Variants in NKAIN3 observed in about 807,000 individuals in gnomAD.
NKAIN3 encodes the protein sodium/potassium-transporting ATPase subunit beta-1-interacting protein 3.
A neutral mutation model predicts 30.2 loss-of-function variants in NKAIN3; 25 were observed. The observed-to-expected ratio is 0.83, with a 90% CI of 0.60 to 1.16. The LOEUF (loss-of-function observed/expected upper bound fraction) is 1.16. Among genes scored for constraint, NKAIN3 ranks in the 50% most tolerant of loss-of-function variants. The pLI, the probability that NKAIN3 is intolerant of heterozygous loss-of-function variation, is 0.00. For synonymous variants in NKAIN3, 91 were observed against 89.6 expected, an observed-to-expected ratio of 1.02 and a Z score of -0.09; for missense variants, 225 against 254.1, an observed-to-expected ratio of 0.89 and a Z score of 0.78.
chr8:62,918,544 TC>T, intron 5 of NKAIN3, 31 bp downstream of exon 5: 1 of 1,464,982 alleles, frequency 6.8e-7, no homozygotes, highest in Non-Finnish European at 9.6e-7. Context: ...CCCTGTGGGT[TC>T]CTTTTGAATG....
rs5891856 is a variant in NKAIN3, at chr8:62,431,864, GAA to G, written c.55-147660_55-147659del. Among the ~76,000 whole-genome samples the G allele has an allele frequency of 8.6e-3, 1,151 of 133,462 alleles. 26 individuals carry two copies. The highest frequency in any genetic ancestry group is 0.075 in the East Asian group (341 of 4,558). The allele number at this position is 133,462 out of a possible 152,430, so 87.6% of individuals were successfully genotyped here. On this transcript the variant is annotated intron_variant, in intron 1 of 6. Transcript: ENST00000623646. Reference sequence around the variant, plus strand: ...GAACTGAAGAGAAGCTTATAAAAAGGAAAAAAAAAAAAAAAAGCTTTTTCTAA... The same window carrying G: ...GAACTGAAGAGAAGCTTATAAAAAGGAAAAAAAAAAAAAAGCTTTTTCTAA...
chr8:62,829,368 A>C (rs1346815721), intron 4 of NKAIN3, among the ~76,000 whole-genome samples: 4 of 152,188 alleles, frequency 2.6e-5, no homozygotes. Context: ...CATTTCAGTC[A>C]CACTGAAAAG....
At chr8:62,855,179 A>T (rs1010310720) in intron 4 of NKAIN3, 3 of 263,188 alleles carry the variant, frequency 1.1e-5, no homozygotes, top group South Asian at 1.0e-4. Flanking sequence ...TCAAAAATGT[A>T]AAGTCCCTCA....
At chr8:62,682,594 G>A (rs963460499) in intron 3 of NKAIN3, among the ~76,000 whole-genome samples, 2 of 152,074 alleles carry the variant, frequency 1.3e-5, no homozygotes, top group East Asian at 1.9e-4. Flanking sequence ...GGTGCTGCTC[G>A]CCCACTGCCT....
chr8:62,441,957 CT>C (rs945167335), intron 1 of NKAIN3, among the ~76,000 whole-genome samples: 1 of 151,790 alleles, frequency 6.6e-6, no homozygotes, highest in Admixed American at 6.6e-5. Flanking sequence ...TTTCATCCCC[CT>C]TTTTTTGCAT....
chr8:62,913,665 C>G (rs1036285997), intron 4 of NKAIN3, among the ~76,000 whole-genome samples: 7 of 152,046 alleles, frequency 4.6e-5, no homozygotes, highest in African/African-American at 1.7e-4. Flanking sequence ...TTGGAAGAAT[C>G]CATGCATTAA....
intron 1 of NKAIN3, among the ~76,000 whole-genome samples, chr8:62,503,310 G>T (rs1389001148): frequency 6.6e-6 from 1 of 152,174 alleles, no homozygotes; most frequent in Non-Finnish European, 1.5e-5. Flanking sequence ...AGAGGAGGGG[G>T]TGTATGAACA....
At chr8:62,734,784 T>G (rs946888366) in intron 3 of NKAIN3, among the ~76,000 whole-genome samples, 2 of 152,226 alleles carry the variant, frequency 1.3e-5, no homozygotes, top group African/African-American at 2.4e-5. Flanking sequence ...ATCTGTGAAT[T>G]TAGCCAGAAT....
At chr8:62,608,823 A>T (rs537336437) in intron 3 of NKAIN3, among the ~76,000 whole-genome samples, 5 of 152,238 alleles carry the variant, frequency 3.3e-5, no homozygotes, top group Non-Finnish European at 7.4e-5. Context: ...TTGTCCATTC[A>T]TTGTCTATAG....
intron 4 of NKAIN3, among the ~76,000 whole-genome samples, chr8:62,802,244 A>T (rs1818092304): frequency 6.6e-6 from 1 of 152,188 alleles, no homozygotes; most frequent in African/African-American, 2.4e-5. Flanking sequence ...GCAGGCCAAC[A>T]TTCAGATTCA....
intron 3 of NKAIN3, among the ~76,000 whole-genome samples, chr8:62,644,258 G>A (rs771549043): frequency 2.8e-4 from 43 of 152,104 alleles, no homozygotes; most frequent in Middle Eastern, 3.4e-3. Context: ...TGTAGTTCCC[G>A]TAGGTCTTTT....
chr8:62,763,880 G>A (rs4737614), intron 4 of NKAIN3, among the ~76,000 whole-genome samples: 26,563 of 152,168 alleles, frequency 0.17, 2,512 homozygotes, highest in East Asian at 0.29. Flanking sequence ...AAGGGTTCAG[G>A]GCAAGAAAAC....
chr8:62,379,543 T>C (rs1356589328), intron 1 of NKAIN3, among the ~76,000 whole-genome samples: 1 of 152,172 alleles, frequency 6.6e-6, no homozygotes, highest in African/African-American at 2.4e-5. Flanking sequence ...GAGGACATTT[T>C]CCACCATGCT....
chr8:62,959,105 T>G (rs533399929), intron 6 of NKAIN3, among the ~76,000 whole-genome samples: 36 of 152,206 alleles, frequency 2.4e-4, no homozygotes, highest in Non-Finnish European at 4.6e-4. Context: ...TCACAAAAAT[T>G]GCTACATGCT....
At position 62,741,404 on chromosome 8, in the gene NKAIN3, AAGGAAGGAAGGAAGGAAGGC is replaced by A. The variant is rs1563540741; in HGVS notation, c.274-5524_274-5505del. 3.3e-4 allele frequency among the ~76,000 whole-genome samples: 47 copies of A among 143,970 alleles called. 1 individual carries two copies. Among genetic ancestry groups the A allele is most frequent in the African/African-American group, 1.1e-3 (39 of 34,896 alleles). The allele number at this position is 143,970 out of a possible 152,430, so 94.4% of individuals were successfully genotyped here. A position where few individuals can be genotyped will look rare whatever the true frequency, so the allele number is the denominator to read the frequency against. ...GAAGGAAGGAAGGAAGGAAGGAAGG[AAGGAAGGAAGGAAGGAAGGC>A]AGGCAAGCAAGCAAGCACACTCCAA... On this transcript the variant is annotated intron_variant, in intron 3 of 6. Transcript: ENST00000623646.
At chr8:62,458,515 T>C (rs1488321977) in intron 1 of NKAIN3, among the ~76,000 whole-genome samples, 1 of 152,150 alleles carries the variant, frequency 6.6e-6, no homozygotes, top group Admixed American at 6.5e-5. Context: ...AGACCTTGAG[T>C]CATCTGTCAC....
At chr8:62,832,256 C>G (rs1819218568) in intron 4 of NKAIN3, among the ~76,000 whole-genome samples, 1 of 107,022 alleles carries the variant, frequency 9.3e-6, no homozygotes, top group South Asian at 3.4e-4. Context: ...TATGACCAAA[C>G]AGACACACAC....
downstream of NKAIN3, among the ~76,000 whole-genome samples, chr8:62,987,171 G>A (rs531188481): frequency 6.6e-6 from 1 of 152,214 alleles, no homozygotes; most frequent in East Asian, 1.9e-4. Flanking sequence ...TGAATCGCTT[G>A]AGTTCAGGAG....
At chr8:62,613,225 C>G (rs981287438) in intron 3 of NKAIN3, among the ~76,000 whole-genome samples, 1 of 152,086 alleles carries the variant, frequency 6.6e-6, no homozygotes, top group Non-Finnish European at 1.5e-5. Flanking sequence ...TGAAATCACT[C>G]AGTTTTTGTT....
Sources: gnomAD v4.1 joint callset for allele counts (sites outside exome capture counted in the v4.1 genomes callset) on GRCh38, gnomAD v4.1.1 for gene constraint, MANE v1.5 for transcripts, NCBI Gene and HGNC (gene_info 2026-07-23, HGNC 2026-07-21) for gene names.